The following MDM1 variants were observed in gnomAD, a reference collection of about 807,000 sequenced individuals.
The protein encoded by MDM1 is stabilizer of axonemal microtubules 6.
MDM1 carries 61 observed loss-of-function variants against 89.1 expected under a neutral mutation model. The ratio of observed to expected loss-of-function variants is 0.68; its 90% CI spans 0.56 to 0.85. MDM1 has a LOEUF of 0.85. Among genes scored for constraint, MDM1 ranks in the 40% least tolerant of loss-of-function variants. MDM1 has a pLI of 0.00. For missense variants in MDM1, 820 were observed against 846.5 expected (o/e 0.97, Z 0.39); for synonymous variants, 290 against 294.1 (o/e 0.99, Z 0.14).
chr12:68,322,993 G>C (rs749749359), intron 5 of MDM1, 80 bp downstream of exon 5: 45 of 1,385,362 alleles, frequency 3.2e-5, no homozygotes, highest in Middle Eastern at 3.9e-4. Context: ...AAAACTCCCA[G>C]GTGGTAGTAA....
intron 12 of MDM1, among the ~76,000 whole-genome samples, chr12:68,308,573 G>A (rs1873242241): frequency 1.3e-5 from 2 of 152,248 alleles, no homozygotes; most frequent in South Asian, 4.1e-4. Context: ...ATCCCTTAGA[G>A]ACCTGTAGTC....
chr12:68,295,600 G>A (rs910669305), intron 14 of MDM1, among the ~76,000 whole-genome samples: 2 of 152,056 alleles, frequency 1.3e-5, no homozygotes, highest in South Asian at 4.1e-4. Flanking sequence ...AACATTTATC[G>A]TTAAATTTTT....
At chr12:68,325,159 T>C in intron 4 of MDM1, 1 of 1,040,608 alleles carries the variant, frequency 9.6e-7, no homozygotes, top group Non-Finnish European at 1.2e-6. Context: ...TCTTGTAGCA[T>C]GCAAAAACTT....
intron 14 of MDM1, among the ~76,000 whole-genome samples, chr12:68,296,478 C>A (rs1386279723): frequency 2.0e-5 from 3 of 152,214 alleles, no homozygotes; most frequent in East Asian, 3.8e-4. Flanking sequence ...AGCCTGGCGA[C>A]AGAGCGAGAC....
intron 12 of MDM1, among the ~76,000 whole-genome samples, chr12:68,305,191 A>G (rs1257864902): frequency 6.6e-6 from 1 of 152,198 alleles, no homozygotes. Flanking sequence ...ATACATGTAG[A>G]AAAAGCATTT....
chr12:68,310,725 G>A (rs1170726732), intron 12 of MDM1, among the ~76,000 whole-genome samples: 1 of 152,212 alleles, frequency 6.6e-6, no homozygotes, highest in African/African-American at 2.4e-5. Flanking sequence ...TGGGGATTAA[G>A]AGGTAGAGGG....
At chr12:68,312,523 G>T (rs567108061) in intron 12 of MDM1, among the ~76,000 whole-genome samples, 7 of 152,176 alleles carry the variant, frequency 4.6e-5, no homozygotes, top group Admixed American at 2.6e-4. Flanking sequence ...ATCACCTCCT[G>T]CCTGGATAGA....
Position 68,302,832 on chromosome 12 carries a change from G to A in MDM1, c.1790C>T (p.Ala597Val), listed in dbSNP as rs757197831. ...CAGAGGATCAACTGTTTTTATACCA[G>A]CAGCTGGAGAAGTCAGTAGGGATAC... ...RAVSLLTSPA[A>V]GIKTVDPLPL... Residue 597 changes from alanine (A) to valine (V), a missense_variant, in exon 13 of 15, where the codon GCT becomes GTT. Ala to Val is a moderately conservative substitution (Grantham distance 64, BLOSUM62 0). Coordinates refer to ENST00000682720, the MANE Select transcript of MDM1 (RefSeq NM_001354969.2). 1 of 1,594,778 alleles carries A rather than the reference G, an allele frequency of 6.3e-7. No individual in the cohort carries two copies. Among genetic ancestry groups the A allele is most frequent in the Admixed American group, 1.7e-5 (1 of 58,130 alleles).
At chr12:68,331,345 C>T (rs538156588) in intron 1 of MDM1, 124 bp from the exon 2 acceptor site, 74 of 683,112 alleles carry the variant, frequency 1.1e-4, no homozygotes, top group Non-Finnish European at 1.8e-4. Context: ...TAAACACAGA[C>T]GAGCTCCTTA....
intron 7 of MDM1, among the ~76,000 whole-genome samples, chr12:68,320,470 C>T (rs1875070184): frequency 6.6e-6 from 1 of 152,182 alleles, no homozygotes; most frequent in Admixed American, 6.5e-5. Context: ...ATGGCAGTCG[C>T]CAGGACATAT....
At chr12:68,306,145 C>CA (rs201269675) in intron 12 of MDM1, among the ~76,000 whole-genome samples, 5 of 151,228 alleles carry the variant, frequency 3.3e-5, no homozygotes, top group East Asian at 1.9e-4. Context: ...CAAAGATGAC[C>CA]AAAAAAAATG....
At chr12:68,312,548 A>G (rs1873834362) in intron 12 of MDM1, among the ~76,000 whole-genome samples, 1 of 152,152 alleles carries the variant, frequency 6.6e-6, no homozygotes, top group African/African-American at 2.4e-5. Context: ...GTGACTCCCA[A>G]CTGTTTTTAT....
At position 68,295,331 on chromosome 12, in the gene MDM1, C is replaced by A. The variant is rs1565760534; in HGVS notation, c.2098G>T (p.Ala700Ser). The A allele has an allele frequency of 6.2e-7, 1 of 1,612,740 alleles. No homozygotes were observed. Among genetic ancestry groups the A allele is most frequent in the African/African-American group, 1.3e-5 (1 of 74,874 alleles). Residue 700 changes from alanine (A) to serine (S), a missense_variant, in exon 15 of 15, where the codon GCA (alanine) becomes TCA (serine). By Grantham distance (99) the Ala-to-Ser change is moderately conservative. Transcript: ENST00000682720. Reference sequence around the variant, plus strand: ...TGAAAAGCCCGGAGACTAGAAGCTGCAGAGCGAGCAGAAATCTCAGACAAT... The same window carrying A: ...TGAAAAGCCCGGAGACTAGAAGCTGAAGAGCGAGCAGAAATCTCAGACAAT... ...DRLSEISARS[A>S]ASSLRAFQTL...
In MDM1 at chr12:68,295,366, T is replaced by A; in HGVS notation, c.2063A>T (p.Asp688Val). Residue 688 changes from aspartate to valine, a missense_variant and splice_region_variant, in exon 15 of 15, where the codon GAT becomes GTT. By Grantham distance (152) the Asp-to-Val change is radical. Transcript: ENST00000682720. Reference sequence around the variant, plus strand: ...AGAAATCTCAGACAATCTGTCCTCATCTGCAATGAAAAAATCCCGAGATTA... The same window carrying A: ...AGAAATCTCAGACAATCTGTCCTCAACTGCAATGAAAAAATCCCGAGATTA... Reference protein sequence around the residue: ...LPQHEAFNDEDEDRLSEISAR... With the variant: ...LPQHEAFNDEVEDRLSEISAR... 6.3e-7 allele frequency: 1 copy of A among 1,599,290 alleles called. No individual in the cohort carries two copies. Among genetic ancestry groups the A allele is most frequent in the African/African-American group, 1.3e-5 (1 of 74,378 alleles).
intron 9 of MDM1, 107 bp downstream of exon 9, chr12:68,315,971 T>A (rs983833112): frequency 2.3e-6 from 2 of 856,512 alleles, no homozygotes; most frequent in Non-Finnish European, 1.7e-6. Context: ...CACAATTCCA[T>A]TCGACTAGGA....
chr12:68,306,888 C>T (rs981214675), intron 12 of MDM1, among the ~76,000 whole-genome samples: 5 of 152,206 alleles, frequency 3.3e-5, no homozygotes, highest in African/African-American at 1.2e-4. Flanking sequence ...AAGACCTGCA[C>T]TCATAGGTTT....
chr12:68,330,054 A>G (rs1056869375), intron 2 of MDM1, among the ~76,000 whole-genome samples: 1 of 152,132 alleles, frequency 6.6e-6, no homozygotes, highest in Non-Finnish European at 1.5e-5. Context: ...CTCAGCTCAA[A>G]TATCACCTCC....
At chr12:68,317,516 G>A (rs984831724) in intron 7 of MDM1, among the ~76,000 whole-genome samples, 4 of 152,004 alleles carry the variant, frequency 2.6e-5, no homozygotes, top group Non-Finnish European at 2.9e-5. Flanking sequence ...TACATCTCTA[G>A]GGAATTGGCC....
intron 2 of MDM1, among the ~76,000 whole-genome samples, chr12:68,327,682 A>G (rs7966516): frequency 0.74 from 112,826 of 152,038 alleles, 42,481 homozygotes; most frequent in African/African-American, 0.84. Context: ...TCTTTAAGAC[A>G]GTTGCAGGGT....
Sources: gnomAD v4.1 joint callset for allele counts (sites outside exome capture counted in the v4.1 genomes callset) on GRCh38, gnomAD v4.1.1 for gene constraint, MANE v1.5 for transcripts, NCBI Gene and HGNC (gene_info 2026-07-23, HGNC 2026-07-21) for gene names.